The following GTPBP2 variants were observed in gnomAD, a reference collection of about 807,000 sequenced individuals.
The protein encoded by GTPBP2 is GTP-binding protein 2.
A neutral mutation model predicts 63.0 loss-of-function variants in GTPBP2; 32 were observed. The observed-to-expected ratio is 0.51, with a 90% confidence interval of 0.38 to 0.68. The LOEUF (loss-of-function observed/expected upper bound fraction) is 0.68. Ranked by LOEUF, GTPBP2 falls within the 30% of genes least tolerant of loss-of-function variation. The probability of loss-of-function intolerance (pLI) is 0.00; values close to 1 mark genes in which losing one functional copy is unlikely to be tolerated. For synonymous variants in GTPBP2, 310 were observed against 322.6 expected (o/e 0.96, Z 0.42); for missense variants, 492 against 796.9 (o/e 0.62, Z 4.61).
upstream of GTPBP2, among the ~76,000 whole-genome samples, chr6:43,630,464 G>A (rs556516903): frequency 6.6e-6 from 1 of 152,300 alleles, no homozygotes; most frequent in East Asian, 1.9e-4. Context: ...ACTCAGCCGG[G>A]TGCGGTGCCT....
chr6:43,622,190 C>G lies in GTPBP2; in HGVS notation c.1468-23G>C. ...GCCCTGGGGAGGAACAGACCCCAGG[C>G]CCAGGAAGGGCAGCTCTAACATCAG... On this transcript the variant is annotated intron_variant, in intron 10 of 11. Transcript: ENST00000307126. The surrounding 1 kb of genome is among the most constrained non-coding windows in gnomAD (Gnocchi z 5.4). 1 of 1,597,586 alleles carries G rather than the reference C, an allele frequency of 6.3e-7. No individual in the cohort carries two copies. The highest frequency in any genetic ancestry group is 2.2e-5 in the East Asian group (1 of 44,518).
At chr6:43,623,045 A>G (rs1768923067) in intron 9 of GTPBP2, 2 of 509,782 alleles carry the variant, frequency 3.9e-6, no homozygotes, top group Admixed American at 3.4e-5. Flanking sequence ...ACAACACCGA[A>G]CACCTAATCA....
chr6:43,628,547 C>G, intron 1 of GTPBP2: 11 of 979,662 alleles, frequency 1.1e-5, no homozygotes, highest in Non-Finnish European at 1.3e-5. Flanking sequence ...TGTGTGTGTC[C>G]GTGTGGAACA....
upstream of GTPBP2, among the ~76,000 whole-genome samples, chr6:43,630,182 G>A (rs1388096304): frequency 1.3e-5 from 2 of 152,232 alleles, no homozygotes; most frequent in African/African-American, 4.8e-5. Context: ...GGCCACAGGG[G>A]ATTTTTGGCT....
chr6:43,625,623 C>A lies in GTPBP2; in HGVS notation c.508-63G>T. 1.4e-6 allele frequency: 2 copies of A among 1,476,428 alleles called. No individual in the cohort carries two copies. The highest frequency in any genetic ancestry group is 2.3e-5 in the South Asian group (2 of 88,152). The allele number at this position is 1,476,428 out of a possible 1,614,324, so 91.5% of individuals were successfully genotyped here. ...TCACCCCTCTAACTGAAGACTGGGTCAAGGGCAGTGACGCTCCCTAGGGAG... is the reference window on the plus strand; with the variant it reads ...TCACCCCTCTAACTGAAGACTGGGTAAAGGGCAGTGACGCTCCCTAGGGAG... On this transcript the variant is annotated intron_variant, in intron 4 of 11. Coordinates refer to ENST00000307126, the MANE Select transcript of GTPBP2 (RefSeq NM_019096.5). This position sits in a 1 kb window ranked among gnomAD's most constrained non-coding sequence, Gnocchi z 5.1.
In GTPBP2 at chr6:43,625,959, G is replaced by C. The variant is rs1210393714; in HGVS notation, c.399-95C>G. ...ACAGACTTCCTGCACCTCCCACAGA[G>C]CTCCCAATACCTTAGTGCACTTCCT... On this transcript the variant is annotated intron_variant, in intron 3 of 11. Coordinates refer to ENST00000307126, the MANE Select transcript of GTPBP2 (RefSeq NM_019096.5). The surrounding 1 kb of genome is among the most constrained non-coding windows in gnomAD (Gnocchi z 5.1). 1 of 941,822 alleles carries C rather than the reference G, an allele frequency of 1.1e-6. No homozygotes were observed. 58.3% of individuals were successfully genotyped at this position (941,822 alleles called of 1,614,324 possible). A position where few individuals can be genotyped will look rare whatever the true frequency, so the allele number is the denominator to read the frequency against.
At chr6:43,628,051 C>A (rs1034435658) in intron 1 of GTPBP2, among the ~76,000 whole-genome samples, 1 of 152,168 alleles carries the variant, frequency 6.6e-6, no homozygotes, top group Non-Finnish European at 1.5e-5. Flanking sequence ...TCAGGCCCAT[C>A]CTCACTAGTA....
chr6:43,623,413 A>G (rs1183443728), intron 9 of GTPBP2: 3 of 321,400 alleles, frequency 9.3e-6, no homozygotes, highest in Admixed American at 4.6e-5. Context: ...AAAGAAAGAA[A>G]GAAGAGTCTT....
rs1345519538 is a variant in GTPBP2, at chr6:43,628,996, G to A, written c.167C>T (p.Pro56Leu). The A allele has an allele frequency of 2.5e-6, 4 of 1,613,926 alleles. No individual in the cohort carries two copies. The highest frequency in any genetic ancestry group is 2.2e-5 in the East Asian group (1 of 44,880). Residue 56 changes from proline (P) to leucine (L), a missense_variant, in exon 1 of 12, where the codon CCC (proline) becomes CTC (leucine). Physicochemically the swap from Pro to Leu is moderately conservative, Grantham distance 98. Transcript: ENST00000307126. The stretch of plus-strand genomic sequence containing the variant: ...GCTCACCTCGGGGGGCAAATACGGG[G>A]GGTTGTTGGCTTTGCCCCCTCTGTT... ...GRNRGGKANN[P>L]PYLPPEAEDG... is the part of the protein sequence containing the mutation.
At position 43,622,103 on chromosome 6, in the gene GTPBP2, A is replaced by C; in HGVS notation, c.1532T>G (p.Val511Gly). Residue 511 changes from valine to glycine, a missense_variant, in exon 11 of 12, where the codon GTC (valine) becomes GGC (glycine). Around this residue, in one of 2 missense-constraint regions of GTPBP2, gnomAD observed 400 missense variants for 710.8 expected, o/e 0.56. Transcript: ENST00000307126. The surrounding 1 kb of genome is among the most constrained non-coding windows in gnomAD (Gnocchi z 5.4). ...TICSVFEAEI[V>G]LLFHATTFRR... is the part of the protein sequence containing the mutation. ...GAAGGTGGTGGCATGGAACAGTAAG[A>C]CTATCTCTGCCTCAAACACCGAGCA... 6.2e-7 allele frequency: 1 copy of C among 1,614,022 alleles called. No individual in the cohort carries two copies. Among genetic ancestry groups the C allele is most frequent in the South Asian group, 1.1e-5 (1 of 91,082 alleles).
At chr6:43,628,909 C>T (rs1293193706) in intron 1 of GTPBP2, 68 bp downstream of exon 1, 4 of 1,506,026 alleles carry the variant, frequency 2.7e-6, no homozygotes, top group Non-Finnish European at 3.7e-6. Flanking sequence ...TATCTGGGTC[C>T]CGCCTCCCTA....
chr6:43,629,597 A>G (rs1769766896), upstream of GTPBP2: 3 of 771,214 alleles, frequency 3.9e-6, no homozygotes, highest in Admixed American at 6.1e-5. Context: ...AGCGTAGAAG[A>G]GCTTACATCA....
upstream of GTPBP2, chr6:43,629,273 G>A (rs189247143): frequency 3.3e-3 from 2,663 of 815,054 alleles, 63 homozygotes; most frequent in African/African-American, 0.045. Flanking sequence ...GTGGGGTGGG[G>A]CTCTGCACAA....
At chr6:43,627,019 G>T in intron 1 of GTPBP2, 71 bp from the exon 2 acceptor site, 2 of 1,356,294 alleles carry the variant, frequency 1.5e-6, no homozygotes, top group Non-Finnish European at 2.1e-6. Flanking sequence ...AATTCCCACT[G>T]GGTCCAGGTA....
chr6:43,622,700 C>A lies in GTPBP2; in HGVS notation c.1400G>T (p.Arg467Leu). 1.9e-6 allele frequency: 3 copies of A among 1,614,124 alleles called. No homozygotes were observed. The highest frequency in any genetic ancestry group is 2.5e-6 in the Non-Finnish European group (3 of 1,180,004). The change falls in exon 10 of 12, where the codon CGT (arginine) becomes CTT (leucine). Residue 467 changes from arginine to leucine, a missense_variant. Coordinates refer to ENST00000307126, the MANE Select transcript of GTPBP2 (RefSeq NM_019096.5). The surrounding 1 kb of genome is among the most constrained non-coding windows in gnomAD (Gnocchi z 5.4). The part of the protein sequence containing the change: ...CSIQRNRSAC[R>L]VLRAGQAATL... Reference sequence around the variant, plus strand: ...AGCAGCCTGACCAGCTCGCAGCACACGACAGGCAGAGCGGTTGCGCTGGAT... The same window carrying A: ...AGCAGCCTGACCAGCTCGCAGCACAAGACAGGCAGAGCGGTTGCGCTGGAT...
At position 43,621,310 on chromosome 6, in the gene GTPBP2, T is replaced by C. The variant is rs903350246; in HGVS notation, c.*304A>G. On this transcript the variant is annotated 3_prime_UTR_variant, in exon 12 of 12. Transcript: ENST00000307126. The stretch of plus-strand genomic sequence containing the variant: ...CAGTCTTAGTAGTGGGGACGAAGAA[T>C]TGATGAGTGGATCCAGTCAGCTCCG... 3.2e-5 allele frequency: 27 copies of C among 846,568 alleles called. No homozygotes were observed. Among genetic ancestry groups the C allele is most frequent in the Middle Eastern group, 4.9e-4 (2 of 4,118 alleles). 52.4% of individuals were successfully genotyped at this position (846,568 alleles called of 1,614,324 possible).
At chr6:43,628,319 T>C (rs920894758) in intron 1 of GTPBP2, among the ~76,000 whole-genome samples, 3 of 152,126 alleles carry the variant, frequency 2.0e-5, no homozygotes, top group Non-Finnish European at 4.4e-5. Flanking sequence ...TGAGCTGAGA[T>C]AGCCCTACAG....
intron 1 of GTPBP2, among the ~76,000 whole-genome samples, chr6:43,627,522 G>T (rs950938038): frequency 6.6e-6 from 1 of 152,174 alleles, no homozygotes; most frequent in African/African-American, 2.4e-5. Flanking sequence ...GGGCTGAGAG[G>T]AACAGAAAAA....
Position 43,625,291 on chromosome 6 carries a change from A to G in GTPBP2, c.705+72T>C, listed in dbSNP as rs866091161. 2.1e-6 allele frequency: 3 copies of G among 1,410,480 alleles called. No individual in the cohort carries two copies. In the Middle Eastern group the frequency reaches 5.3e-4, roughly 248 times the overall value. The allele number at this position is 1,410,480 out of a possible 1,614,324, so 87.4% of individuals were successfully genotyped here. The stretch of plus-strand genomic sequence containing the variant: ...CAAAAAGTCTCCACACTCTACCCCC[A>G]TCCTATGTCCTTCACTACTACCATC... On this transcript the variant is annotated intron_variant, in intron 5 of 11. Coordinates refer to ENST00000307126, the MANE Select transcript of GTPBP2 (RefSeq NM_019096.5). This position sits in a 1 kb window ranked among gnomAD's most constrained non-coding sequence, Gnocchi z 5.1.
Sources: allele counts gnomAD v4.1 joint callset (sites outside exome capture counted in the v4.1 genomes callset), GRCh38; gene constraint gnomAD v4.1.1; regional missense constraint gnomAD v4.1.1; non-coding constraint Gnocchi (gnomAD v3.1); transcripts MANE v1.5; gene names NCBI Gene and HGNC (gene_info 2026-07-23, HGNC 2026-07-21).